GNAL: variants seen among roughly 807,000 people sequenced by gnomAD.
The protein encoded by GNAL is guanine nucleotide-binding protein G(olf) subunit alpha.
GNAL carries 18 observed loss-of-function variants against 55.1 expected under a neutral mutation model. The ratio of observed to expected loss-of-function variants is 0.33; its 90% CI spans 0.23 to 0.48. GNAL has a LOEUF of 0.48. GNAL is among the 20% of genes least tolerant of loss of function. GNAL has a pLI of 0.99. For synonymous variants in GNAL, 253 were observed against 237.0 expected, an observed-to-expected ratio of 1.07 and a Z score of -0.62; for missense variants, 412 against 614.1, an observed-to-expected ratio of 0.67 and a Z score of 3.48.
At chr18:11,812,194 G>A (rs1421338376) in intron 4 of GNAL, among the ~76,000 whole-genome samples, 1 of 152,186 alleles carries the variant, frequency 6.6e-6, no homozygotes, top group African/African-American at 2.4e-5. Flanking sequence ...TGTACTGTGG[G>A]AACTGATTAG....
intron 1 of GNAL, among the ~76,000 whole-genome samples, chr18:11,696,000 C>T (rs965256410): frequency 2.6e-4 from 39 of 152,170 alleles, no homozygotes; most frequent in African/African-American, 9.4e-4. Context: ...ATTTTGATGA[C>T]TTTTTTCCCA....
intron 5 of GNAL, among the ~76,000 whole-genome samples, chr18:11,861,861 CACAT>C (rs1450525794): frequency 6.6e-6 from 1 of 152,130 alleles, no homozygotes; most frequent in African/African-American, 2.4e-5. Flanking sequence ...ACACTTTCCG[CACAT>C]ACTCTCACAC....
chr18:11,846,770 G>A (rs73407496), intron 5 of GNAL, among the ~76,000 whole-genome samples: 8,767 of 151,836 alleles, frequency 0.058, 379 homozygotes, highest in African/African-American at 0.13. Flanking sequence ...CTGTCACCCC[G>A]AATGGAGTGC....
intron 4 of GNAL, among the ~76,000 whole-genome samples, chr18:11,773,487 C>T (rs2033692851): frequency 6.6e-6 from 1 of 152,124 alleles, no homozygotes; most frequent in South Asian, 2.1e-4. Context: ...CATAATAGGC[C>T]AGATGCAGTG....
At chr18:11,695,758 C>T (rs1413635677) in intron 1 of GNAL, among the ~76,000 whole-genome samples, 2 of 151,954 alleles carry the variant, frequency 1.3e-5, no homozygotes, top group African/African-American at 4.8e-5. Flanking sequence ...TATGTATTTG[C>T]TATTTCTCTG....
chr18:11,713,715 C>A (rs753439536), intron 1 of GNAL, among the ~76,000 whole-genome samples: 2 of 152,182 alleles, frequency 1.3e-5, no homozygotes, highest in African/African-American at 2.4e-5. Context: ...AAGGAAAGAA[C>A]AGGCTGTAGA....
rs955732158 is a variant in GNAL at position 11,868,355 on chromosome 18, C to T, written c.911-188C>T. 1.3e-5 allele frequency among the ~76,000 whole-genome samples: 2 copies of T among 151,788 alleles called. No homozygotes were observed. The highest frequency in any genetic ancestry group is 2.9e-5 in the Non-Finnish European group (2 of 67,984). Reference sequence around the variant, plus strand: ...ATTTACATGTGTCTTTTGGGGTGGGCTCTTCATCAAGTGCGTTACTGAAGC... The same window carrying T: ...ATTTACATGTGTCTTTTGGGGTGGGTTCTTCATCAAGTGCGTTACTGAAGC... On this transcript the variant is annotated intron_variant, in intron 8 of 11. Coordinates refer to ENST00000334049, the MANE Select transcript of GNAL (RefSeq NM_182978.4). The surrounding 1 kb of genome is among the most constrained non-coding windows in gnomAD (Gnocchi z 4.0).
At chr18:11,738,796 A>C (rs1428065915) in intron 1 of GNAL, among the ~76,000 whole-genome samples, 2 of 151,888 alleles carry the variant, frequency 1.3e-5, no homozygotes, top group African/African-American at 4.8e-5. Flanking sequence ...AGGAGGAGGC[A>C]CTCCTTCCAG....
At chr18:11,852,710 C>T (rs2035909151) in intron 5 of GNAL, 2 of 165,416 alleles carry the variant, frequency 1.2e-5, no homozygotes, top group East Asian at 1.9e-4. Flanking sequence ...ACTGAAATTA[C>T]CTTAGGATAT....
chr18:11,786,819 C>CCAGCT (rs1001896702), intron 4 of GNAL, among the ~76,000 whole-genome samples: 7 of 151,964 alleles, frequency 4.6e-5, no homozygotes, highest in African/African-American at 1.7e-4. Context: ...CTCTGTTAAT[C>CCAGCT]CAGCTCACCT....
Position 11,689,296 on chromosome 18 carries a change from G to A in GNAL, c.-268G>A, listed in dbSNP as rs899265122. 1.3e-5 allele frequency: 4 copies of A among 298,590 alleles called. No homozygotes were observed. The highest frequency in any genetic ancestry group is 2.5e-5 in the Non-Finnish European group (4 of 161,998). The allele number at this position is 298,590 out of a possible 1,614,324, so 18.5% of individuals were successfully genotyped here. On this transcript the variant is annotated 5_prime_UTR_variant, in exon 1 of 12. Coordinates refer to ENST00000334049, the MANE Select transcript of GNAL (RefSeq NM_182978.4). Reference sequence around the variant, plus strand: ...CGGTCCGCTCTGGGCGTTAGCAAGTGATCTCCAGCCAAGGCGGCCGCCACC... The same window carrying A: ...CGGTCCGCTCTGGGCGTTAGCAAGTAATCTCCAGCCAAGGCGGCCGCCACC...
At chr18:11,783,361 A>G (rs1484841073) in intron 4 of GNAL, among the ~76,000 whole-genome samples, 1 of 152,216 alleles carries the variant, frequency 6.6e-6, no homozygotes, top group Admixed American at 6.5e-5. Context: ...GGGTTAAACA[A>G]GTTAATATAT....
chr18:11,736,764 A>G (rs1255576951), intron 1 of GNAL, among the ~76,000 whole-genome samples: 1 of 152,214 alleles, frequency 6.6e-6, no homozygotes, highest in Non-Finnish European at 1.5e-5. Flanking sequence ...AAGGATGGGG[A>G]GATTGCTACA....
At chr18:11,867,626 A>G (rs1332750635) in intron 8 of GNAL, among the ~76,000 whole-genome samples, 2 of 151,282 alleles carry the variant, frequency 1.3e-5, no homozygotes, top group African/African-American at 4.9e-5. Context: ...CATCCTGGCT[A>G]ACGAGGTGAA....
intron 1 of GNAL, among the ~76,000 whole-genome samples, chr18:11,742,519 A>G (rs1336688556): frequency 6.6e-6 from 1 of 152,240 alleles, no homozygotes; most frequent in Admixed American, 6.5e-5. Context: ...GGCATCCGCT[A>G]TGCTGCACCC....
rs748360658 is a variant in GNAL, at chr18:11,824,902, C to T, written c.625-16C>T. The T allele has an allele frequency of 1.4e-5, 20 of 1,384,550 alleles. No homozygotes were observed. The highest frequency in any genetic ancestry group is 1.5e-5 in the African/African-American group (1 of 67,280). The allele number at this position is 1,384,550 out of a possible 1,614,324, so 85.8% of individuals were successfully genotyped here. A position where few individuals can be genotyped will look rare whatever the true frequency, so the allele number is the denominator to read the frequency against. ...ACACTTTTTTTTTTTTAATTTGTAA[C>T]TCTTTCAAACTTTAGGAATTCTTTG... On this transcript the variant is annotated splice_polypyrimidine_tract_variant and intron_variant, in intron 4 of 11. Transcript: ENST00000334049.
At chr18:11,802,247 A>G (rs2034540701) in intron 4 of GNAL, among the ~76,000 whole-genome samples, 1 of 152,274 alleles carries the variant, frequency 6.6e-6, no homozygotes, top group Non-Finnish European at 1.5e-5. Flanking sequence ...GACTGATGAC[A>G]GGGTAAGAAC....
rs2036684839 is a variant in GNAL, at chr18:11,881,277, C to T, written c.*142C>T. On this transcript the variant is annotated 3_prime_UTR_variant, in exon 12 of 12. Coordinates refer to ENST00000334049, the MANE Select transcript of GNAL (RefSeq NM_182978.4). The surrounding 1 kb of genome is among the most constrained non-coding windows in gnomAD (Gnocchi z 4.8). ...TGTCGACCACCAAGCCTCTGGCTAC[C>T]TCTGTCCCCTCAGGTTTGGTTGTGT... 4 of 772,266 alleles carry T rather than the reference C, an allele frequency of 5.2e-6. No homozygotes were observed. The highest frequency in any genetic ancestry group is 8.1e-6 in the Non-Finnish European group (4 of 496,654). The allele number at this position is 772,266 out of a possible 1,614,324, so 47.8% of individuals were successfully genotyped here.
intron 1 of GNAL, among the ~76,000 whole-genome samples, chr18:11,744,987 C>CG (rs2090013776): frequency 6.6e-6 from 1 of 152,230 alleles, no homozygotes; most frequent in African/African-American, 2.4e-5. Flanking sequence ...GCTGGGACTA[C>CG]AGGTGTGAGC....
Sources: gnomAD v4.1 joint callset for allele counts (sites outside exome capture counted in the v4.1 genomes callset) on GRCh38, gnomAD v4.1.1 for gene constraint, Gnocchi (gnomAD v3.1) non-coding constraint, MANE v1.5 for transcripts, NCBI Gene and HGNC (gene_info 2026-07-23, HGNC 2026-07-21) for gene names.